Variants in PABIR2 observed in about 807,000 individuals in gnomAD.
PABIR2 encodes the protein family with sequence similarity 122B.
Under a neutral mutation model 22.8 loss-of-function variants are expected in PABIR2, and 7 were observed. That is an observed-to-expected ratio of 0.31 (90% CI 0.17 to 0.58). PABIR2 has a LOEUF of 0.58. PABIR2 is among the 20% of genes least tolerant of loss of function. The pLI is 0.89. For synonymous variants in PABIR2, 67 were observed against 73.8 expected, an observed-to-expected ratio of 0.91 and a Z score of 0.47; for missense variants, 155 against 205.1, an observed-to-expected ratio of 0.76 and a Z score of 1.49.
intron 9 of PABIR2, among the ~76,000 whole-genome samples, chrX:134,779,244 C>T (rs2079090430): frequency 9.0e-6 from 1 of 111,324 alleles, no homozygotes; most frequent in Non-Finnish European, 1.9e-5. Flanking sequence ...ACCTGGAGAA[C>T]ATGGCAAAAC....
intron 9 of PABIR2, among the ~76,000 whole-genome samples, chrX:134,780,209 G>A (rs1254672781): frequency 8.9e-6 from 1 of 112,611 alleles, no homozygotes; most frequent in African/African-American, 3.2e-5. Flanking sequence ...GCTTATAAGT[G>A]GCTTATACAC....
At chrX:134,783,693 C>T (rs1265345118) in intron 8 of PABIR2, among the ~76,000 whole-genome samples, 1 of 109,415 alleles carries the variant, frequency 9.1e-6, no homozygotes, top group African/African-American at 3.3e-5. Context: ...CCACTGCACT[C>T]CAGCCTGGGT....
intron 8 of PABIR2, among the ~76,000 whole-genome samples, chrX:134,783,613 T>C (rs757596566): frequency 1.0e-3 from 116 of 110,779 alleles, no homozygotes; most frequent in African/African-American, 3.7e-3. Flanking sequence ...TAATCCCAGC[T>C]ATTTGGGAGG....
At chrX:134,794,981 T>C (rs1569436353) in intron 1 of PABIR2, among the ~76,000 whole-genome samples, 1 of 112,155 alleles carries the variant, frequency 8.9e-6, no homozygotes, top group Admixed American at 9.5e-5. Flanking sequence ...TTTGCTACAA[T>C]AGTCTAAATA....
intron 8 of PABIR2, among the ~76,000 whole-genome samples, chrX:134,784,058 G>GT (rs2079233160): frequency 9.4e-6 from 1 of 106,313 alleles, no homozygotes; most frequent in East Asian, 3.0e-4. Context: ...TCCAGCATGG[G>GT]TGACAGAGCA....
intron 2 of PABIR2, among the ~76,000 whole-genome samples, chrX:134,791,039 G>C (rs1306461699): frequency 8.9e-6 from 1 of 111,806 alleles, no homozygotes; most frequent in African/African-American, 3.3e-5. Context: ...GCTGACATGA[G>C]GATGGCCAAA....
intron 9 of PABIR2, among the ~76,000 whole-genome samples, chrX:134,781,244 T>C (rs1426056717): frequency 8.9e-6 from 1 of 112,832 alleles, no homozygotes; most frequent in Non-Finnish European, 1.9e-5. Flanking sequence ...AATCTGTTTT[T>C]TCACATTATC....
intron 2 of PABIR2, among the ~76,000 whole-genome samples, chrX:134,792,931 G>A (rs1203457896): frequency 8.9e-5 from 10 of 112,086 alleles, no homozygotes; most frequent in Non-Finnish European, 1.9e-4. Flanking sequence ...TGTACTAACA[G>A]GCTCTTAGCC....
chrX:134,777,692 C>T (rs1297598774), intron 9 of PABIR2, among the ~76,000 whole-genome samples: 5 of 108,982 alleles, frequency 4.6e-5, no homozygotes, highest in African/African-American at 1.3e-4. Context: ...CAAAATTAGC[C>T]GGGCGTGGTG....
At chrX:134,782,297 A>G (rs1277881600) in intron 8 of PABIR2, among the ~76,000 whole-genome samples, 1 of 112,401 alleles carries the variant, frequency 8.9e-6, no homozygotes, top group African/African-American at 3.2e-5. Flanking sequence ...TTGGTTTTAT[A>G]TATTTTGATA....
rs758655337 is a variant in PABIR2 at position 134,776,407 on chromosome X, A to ATGC, written c.660-4127_660-4125dup. 5.4e-5 allele frequency among the ~76,000 whole-genome samples: 6 copies of ATGC among 111,257 alleles called. No individual in the cohort carries two copies. The East Asian group carries it at 1.4e-3, about 26-fold the overall frequency. On this transcript the variant is annotated intron_variant, in intron 9 of 9. Transcript: ENST00000343004. ...TGAAAACTCCTTTATTTTATATAGT[A>ATGC]TGCTGCAGACACACACAGTCTCACC...
intron 6 of PABIR2, 75 bp from the exon 7 acceptor site, chrX:134,787,608 T>TTA (rs2079372863): frequency 2.9e-5 from 22 of 750,395 alleles, no homozygotes; most frequent in Non-Finnish European, 3.9e-5. Flanking sequence ...CCAGTTTTCT[T>TTA]TCTTTTTTTT....
chrX:134,788,715 T>C lies in PABIR2; in HGVS notation c.435+15A>G. The C allele has an allele frequency of 8.4e-7, 1 of 1,184,082 alleles. No individual in the cohort carries two copies. The highest frequency in any genetic ancestry group is 1.1e-6 in the Non-Finnish European group (1 of 874,346). ...AGTTTGTGAAATACACTTAATATCTTGTCAGTTATCCTACCTTTCCGAATC... is the reference window on the plus strand; with the variant it reads ...AGTTTGTGAAATACACTTAATATCTCGTCAGTTATCCTACCTTTCCGAATC... On this transcript the variant is annotated intron_variant, in intron 6 of 9. Coordinates refer to ENST00000343004, the MANE Select transcript of PABIR2 (RefSeq NM_001387468.1).
intron 1 of PABIR2, chrX:134,794,203 G>C (rs1267767520): frequency 7.5e-6 from 1 of 132,867 alleles, no homozygotes; most frequent in Non-Finnish European, 1.4e-5. Flanking sequence ...CCCCAAACCG[G>C]TTACCACCAG....
At chrX:134,787,202 C>T (rs1603039267) in intron 7 of PABIR2, among the ~76,000 whole-genome samples, 1 of 106,427 alleles carries the variant, frequency 9.4e-6, no homozygotes, top group Admixed American at 1.0e-4. Context: ...TTGGTTCAAG[C>T]GATTCTCCTG....
chrX:134,796,024 C>T, intron 1 of PABIR2, 84 bp downstream of exon 1: 1 of 953,872 alleles, frequency 1.0e-6, no homozygotes, highest in Non-Finnish European at 1.5e-6. Context: ...TGAGCTCAAA[C>T]GTGCACTTTA....
intron 8 of PABIR2, 50 bp from the exon 9 acceptor site, chrX:134,781,967 G>T: frequency 1.1e-6 from 1 of 917,917 alleles, no homozygotes. Context: ...ACAAATACAG[G>T]CGTGGTGCTA....
chrX:134,795,634 C>T (rs1176584867), intron 1 of PABIR2, among the ~76,000 whole-genome samples: 3 of 112,346 alleles, frequency 2.7e-5, no homozygotes, highest in African/African-American at 9.7e-5. Context: ...ATCCAAATCA[C>T]GTACTACGAT....
intron 2 of PABIR2, among the ~76,000 whole-genome samples, chrX:134,790,399 T>C (rs1279686321): frequency 2.7e-5 from 3 of 112,649 alleles, no homozygotes; most frequent in Non-Finnish European, 5.6e-5. Flanking sequence ...CTACTATTTA[T>C]TCTATAACGA....
Sources: gnomAD v4.1 joint callset for allele counts (sites outside exome capture counted in the v4.1 genomes callset) on GRCh38, gnomAD v4.1.1 for gene constraint, MANE v1.5 for transcripts, NCBI Gene and HGNC (gene_info 2026-07-23, HGNC 2026-07-21) for gene names.